The following EPC2 variants were observed in gnomAD, a reference collection of about 807,000 sequenced individuals.
EPC2 encodes enhancer of polycomb 2, also known as enhancer of polycomb homolog 2.
A neutral mutation model predicts 92.1 loss-of-function variants in EPC2; 14 were observed. The ratio of observed to expected loss-of-function variants is 0.15; its 90% CI spans 0.10 to 0.24. The LOEUF (loss-of-function observed/expected upper bound fraction) is 0.24, where lower values mean the gene tolerates loss of function less well. Ranked by LOEUF, EPC2 falls within the 10% of genes least tolerant of loss-of-function variation. The pLI, the probability that EPC2 is intolerant of heterozygous loss-of-function variation, is 1.00. For synonymous variants in EPC2, 340 were observed against 334.7 expected (o/e 1.02, Z -0.17); for missense variants, 755 against 971.5 (o/e 0.78, Z 2.96).
intron 1 of EPC2, 26 bp from the exon 2 acceptor site, chr2:148,690,188 T>TA: frequency 6.4e-7 from 1 of 1,565,312 alleles, no homozygotes; most frequent in South Asian, 1.2e-5. Flanking sequence ...TAAAACAACT[T>TA]ATGTTGCCTA....
chr2:148,786,322 A>G lies in EPC2; in HGVS notation c.2369A>G (p.Glu790Gly), dbSNP rs1444051783. 1 of 1,612,094 alleles carries G rather than the reference A, an allele frequency of 6.2e-7. No individual in the cohort carries two copies. The highest frequency in any genetic ancestry group is 1.3e-5 in the African/African-American group (1 of 75,046). The change falls in exon 14 of 14, where the codon GAA (glutamate) becomes GGA (glycine). Residue 790 changes from glutamate (E) to glycine (G), a missense_variant. Glu to Gly is a moderately conservative substitution (Grantham distance 98). Coordinates refer to ENST00000258484, the MANE Select transcript of EPC2 (RefSeq NM_015630.4). ...SSIARENHEP[E>G]RLGLNGIAET... is the part of the protein sequence containing the mutation. Reference sequence around the variant, plus strand: ...TACCATAGAGAGAACCACGAACCAGAAAGATTGGGCTTAAATGGAATAGCA... The same window carrying G: ...TACCATAGAGAGAACCACGAACCAGGAAGATTGGGCTTAAATGGAATAGCA...
At chr2:148,742,900 T>C (rs1449938589) in intron 2 of EPC2, among the ~76,000 whole-genome samples, 1 of 152,304 alleles carries the variant, frequency 6.6e-6, no homozygotes, top group Non-Finnish European at 1.5e-5. Context: ...AAGAAATCTT[T>C]AAGAAAATCA....
At chr2:148,777,051 G>A (rs1420382901) in intron 10 of EPC2, among the ~76,000 whole-genome samples, 1 of 151,658 alleles carries the variant, frequency 6.6e-6, no homozygotes, top group Non-Finnish European at 1.5e-5. Context: ...GGAGAGACGG[G>A]GTTTCACCAT....
chr2:148,723,125 G>A (rs1682417481), intron 2 of EPC2, among the ~76,000 whole-genome samples: 1 of 152,142 alleles, frequency 6.6e-6, no homozygotes, highest in Admixed American at 6.5e-5. Flanking sequence ...ACCCCCATGA[G>A]ATGCAATTTA....
intron 1 of EPC2, among the ~76,000 whole-genome samples, chr2:148,677,018 A>G (rs1477991414): frequency 3.3e-5 from 5 of 152,182 alleles, no homozygotes; most frequent in Admixed American, 6.5e-5. Flanking sequence ...GCATGTAACA[A>G]TGTAACAAGG....
intron 2 of EPC2, among the ~76,000 whole-genome samples, chr2:148,727,002 C>G (rs1483346239): frequency 6.6e-6 from 1 of 151,922 alleles, no homozygotes; most frequent in African/African-American, 2.4e-5. Context: ...AAATCACTGT[C>G]AAATTCAATG....
intron 1 of EPC2, among the ~76,000 whole-genome samples, chr2:148,682,594 G>A (rs1681421834): frequency 6.6e-6 from 1 of 152,046 alleles, no homozygotes; most frequent in African/African-American, 2.4e-5. Context: ...GCAGAGAGTC[G>A]AGTTACTCAT....
chr2:148,679,031 A>C (rs1681337091), intron 1 of EPC2, among the ~76,000 whole-genome samples: 1 of 152,246 alleles, frequency 6.6e-6, no homozygotes, highest in Non-Finnish European at 1.5e-5. Context: ...CCTGGGTGAC[A>C]GAGTGCGACC....
intron 2 of EPC2, among the ~76,000 whole-genome samples, chr2:148,694,359 A>G (rs1394868012): frequency 6.6e-6 from 1 of 152,190 alleles, no homozygotes; most frequent in Non-Finnish European, 1.5e-5. Context: ...GCAGTTCTTC[A>G]TAGTCACCCT....
At position 148,679,247 on chromosome 2, in the gene EPC2, T is replaced by G. The variant is rs1046562666; in HGVS notation, c.154-10967T>G. Among the ~76,000 whole-genome samples, 3 of 152,190 alleles carry G rather than the reference T, an allele frequency of 2.0e-5. No individual in the cohort carries two copies. The East Asian group carries it at 5.8e-4, about 29-fold the overall frequency. On this transcript the variant is annotated intron_variant, in intron 1 of 13. Coordinates refer to ENST00000258484, the MANE Select transcript of EPC2 (RefSeq NM_015630.4). ...CATTACTAGGACAGGTTTTTCATCTTTATACTAACACTCTTCTCTAGTAAG... is the reference window on the plus strand; with the variant it reads ...CATTACTAGGACAGGTTTTTCATCTGTATACTAACACTCTTCTCTAGTAAG...
At chr2:148,672,967 T>C (rs566641419) in intron 1 of EPC2, among the ~76,000 whole-genome samples, 60 of 152,318 alleles carry the variant, frequency 3.9e-4, no homozygotes, top group Middle Eastern at 3.4e-3. Context: ...AGATATATCA[T>C]TCTGTTCTGA....
At chr2:148,761,745 G>T (rs1460945620) in intron 4 of EPC2, 37 bp from the exon 5 acceptor site, 2 of 1,345,708 alleles carry the variant, frequency 1.5e-6, no homozygotes, top group African/African-American at 1.5e-5. Context: ...GTAGATAACT[G>T]TGTTGTTTAT....
chr2:148,698,661 T>C (rs2105375908), intron 2 of EPC2, among the ~76,000 whole-genome samples: 3 of 123,990 alleles, frequency 2.4e-5, no homozygotes, highest in Middle Eastern at 4.0e-3. Flanking sequence ...AAAAAAAATC[T>C]CCTGTTTCTC....
At chr2:148,780,899 T>G (rs1379656982) in intron 10 of EPC2, among the ~76,000 whole-genome samples, 1 of 152,208 alleles carries the variant, frequency 6.6e-6, no homozygotes, top group African/African-American at 2.4e-5. Context: ...TGTTTACATT[T>G]CTTTGAGAAA....
intron 1 of EPC2, among the ~76,000 whole-genome samples, chr2:148,669,004 T>A (rs1681105160): frequency 2.0e-5 from 3 of 152,182 alleles, no homozygotes; most frequent in Admixed American, 2.0e-4. Flanking sequence ...GTGCTGCAAA[T>A]TTTTTTCCTG....
intron 2 of EPC2, among the ~76,000 whole-genome samples, chr2:148,741,118 A>T (rs1365248378): frequency 6.6e-6 from 1 of 152,200 alleles, no homozygotes; most frequent in Non-Finnish European, 1.5e-5. Flanking sequence ...AATCATACTT[A>T]CAAAATAGTT....
chr2:148,720,905 G>C (rs1391118360), intron 2 of EPC2, among the ~76,000 whole-genome samples: 1 of 152,122 alleles, frequency 6.6e-6, no homozygotes, highest in Non-Finnish European at 1.5e-5. Flanking sequence ...TGAGCGCCAC[G>C]GACTGCAGCT....
At chr2:148,698,043 CAAA>C (rs1168828005) in intron 2 of EPC2, among the ~76,000 whole-genome samples, 1 of 129,544 alleles carries the variant, frequency 7.7e-6, no homozygotes, top group South Asian at 2.4e-4. Context: ...TGTTAACAAA[CAAA>C]AAAAAAAAGG....
chr2:148,769,745 C>G (rs1683479796), intron 8 of EPC2, among the ~76,000 whole-genome samples: 1 of 152,132 alleles, frequency 6.6e-6, no homozygotes, highest in South Asian at 2.1e-4. Flanking sequence ...TTGCTTTATG[C>G]TATGAAGTCG....
Sources: gnomAD v4.1 joint callset for allele counts (sites outside exome capture counted in the v4.1 genomes callset) on GRCh38, gnomAD v4.1.1 for gene constraint, MANE v1.5 for transcripts, NCBI Gene and HGNC (gene_info 2026-07-23, HGNC 2026-07-21) for gene names.